PCMTD2: variants seen among roughly 807,000 people sequenced by gnomAD.
PCMTD2 encodes protein-L-isoaspartate (D-aspartate) O-methyltransferase domain containing 2, also known as protein-L-isoaspartate O-methyltransferase domain-containing protein 2.
In PCMTD2, 16 loss-of-function variants were observed where a neutral mutation model predicts 33.4. That is an observed-to-expected ratio of 0.48 (90% CI 0.32 to 0.73). PCMTD2 has a LOEUF of 0.73. Among genes scored for constraint, PCMTD2 ranks in the 30% least tolerant of loss-of-function variants. The pLI is 0.03. For missense variants in PCMTD2, 374 were observed against 449.9 expected (o/e 0.83, Z 1.53); for synonymous variants, 161 against 160.8 (o/e 1.00, Z -0.01).
intron 3 of PCMTD2, 50 bp downstream of exon 3, chr20:64,264,581 A>G: frequency 1.1e-6 from 1 of 931,464 alleles, no homozygotes; most frequent in South Asian, 1.3e-5. Context: ...CTGTAATTTT[A>G]CAAAGTTTTG....
chr20:64,270,196 C>T (rs1171466872), intron 5 of PCMTD2, among the ~76,000 whole-genome samples: 2 of 105,552 alleles, frequency 1.9e-5, no homozygotes, highest in African/African-American at 3.7e-5. Flanking sequence ...GGTGTGGGGT[C>T]GTGAGTGCGG....
Position 64,255,792 on chromosome 20 carries a change from G to T in PCMTD2, c.-103G>T. 5.9e-6 allele frequency: 1 copy of T among 169,010 alleles called. No homozygotes were observed. The highest frequency in any genetic ancestry group is 1.2e-5 in the Non-Finnish European group (1 of 85,192). 10.5% of individuals were successfully genotyped at this position (169,010 alleles called of 1,614,324 possible). A position where few individuals can be genotyped will look rare whatever the true frequency, so the allele number is the denominator to read the frequency against. ...GGTTGGAGCGGCGCTGCTCGGCCGC[G>T]GACACACGAGGGACGCGCCCGAGGA... On this transcript the variant is annotated 5_prime_UTR_variant, in exon 1 of 6. An upstream open reading frame in the 5' UTR gains an earlier in-frame stop. Transcript: ENST00000308824.
At chr20:64,262,280 A>G (rs1985455402) in intron 2 of PCMTD2, among the ~76,000 whole-genome samples, 1 of 152,176 alleles carries the variant, frequency 6.6e-6, no homozygotes, top group African/African-American at 2.4e-5. Context: ...AGTAAGCCTG[A>G]AATGGCCTTG....
chr20:64,268,153 T>TAAACGTTGTTTTGTAA (rs762203630), intron 5 of PCMTD2, 143 bp downstream of exon 5: 11 of 563,412 alleles, frequency 2.0e-5, no homozygotes, highest in Non-Finnish European at 3.1e-5. Context: ...CTACAAGCAA[T>TAAACGTTGTTTTGTAA]TTCAGGCATT....
At chr20:64,272,053 G>A (rs1985934380) in intron 5 of PCMTD2, 6 of 377,846 alleles carry the variant, frequency 1.6e-5, no homozygotes, top group East Asian at 7.2e-5. Flanking sequence ...AGGAAGTGCC[G>A]GAGCCTGTCC....
Position 64,264,506 on chromosome 20 carries a change from A to T in PCMTD2, c.385A>T (p.Ile129Phe). The change falls in exon 3 of 6, where the codon ATC (isoleucine) becomes TTC (phenylalanine). Residue 129 changes from isoleucine (I) to phenylalanine (F), a missense_variant. By Grantham distance (21) the Ile-to-Phe change is conservative (BLOSUM62 0). Coordinates refer to ENST00000308824, the MANE Select transcript of PCMTD2 (RefSeq NM_018257.3). Reference sequence around the variant, plus strand: ...TGCAAAGCAGAAACTGGACTTCTTCATCAGAACAAGTGATAGTTTTGACAA... The same window carrying T: ...TGCAAAGCAGAAACTGGACTTCTTCTTCAGAACAAGTGATAGTTTTGACAA... ...EYAKQKLDFF[I>F]RTSDSFDKFD... 1 of 1,580,074 alleles carries T rather than the reference A, an allele frequency of 6.3e-7. No individual in the cohort carries two copies. Among genetic ancestry groups the T allele is most frequent in the Non-Finnish European group, 8.7e-7 (1 of 1,149,040 alleles).
chr20:64,272,042 A>G (rs1985934023), intron 5 of PCMTD2: 1 of 365,690 alleles, frequency 2.7e-6, no homozygotes, highest in African/African-American at 2.1e-5. Flanking sequence ...ACTGAAGACA[A>G]AGGAAGTGCC....
At position 64,267,895 on chromosome 20, in the gene PCMTD2, GAT is replaced by G; in HGVS notation, c.593_594del (p.Ile198AsnfsTer58). The G allele has an allele frequency of 6.2e-7, 1 of 1,613,494 alleles. No homozygotes were observed. Among genetic ancestry groups the G allele is most frequent in the Non-Finnish European group, 8.5e-7 (1 of 1,179,606 alleles). Reference protein sequence around the residue: ...VMPLEEKLTKITRTGPSAWET... With the variant: ...VMPLEEKLTKXTRTGPSAWET... Reference sequence around the variant, plus strand: ...TTTTGTCTCTGGGATAGTTGACTAAGATAACACGCACAGGTCCTTCAGCTTGG... The same window carrying G: ...TTTTGTCTCTGGGATAGTTGACTAAGAACACGCACAGGTCCTTCAGCTTGG... On this transcript the variant is annotated frameshift_variant, in exon 5 of 6. Coordinates refer to ENST00000308824, the MANE Select transcript of PCMTD2 (RefSeq NM_018257.3). LOFTEE classifies it high-confidence loss of function.
At chr20:64,269,970 T>TG (rs1985830291) in intron 5 of PCMTD2, among the ~76,000 whole-genome samples, 1 of 143,062 alleles carries the variant, frequency 7.0e-6, no homozygotes. Context: ...GTGCACGGTG[T>TG]GGGGTCCTGT....
intron 5 of PCMTD2, 136 bp downstream of exon 5, chr20:64,268,146 C>CTTTCTGACTTTGGTAAT: frequency 3.9e-6 from 2 of 508,324 alleles, no homozygotes; most frequent in South Asian, 3.4e-5. Context: ...TAAAATTCTA[C>CTTTCTGACTTTGGTAAT]AAGCAATTTC....
In PCMTD2 at chr20:64,267,812, A is replaced by G. The variant is rs931362796; in HGVS notation, c.583-75A>G. ...AAGCATTTCTATGTATTTTTATAGT[A>G]TGTATAGGAATGATTAAATATGAGC... On this transcript the variant is annotated intron_variant, in intron 4 of 5. Coordinates refer to ENST00000308824, the MANE Select transcript of PCMTD2 (RefSeq NM_018257.3). 3.3e-6 allele frequency: 4 copies of G among 1,202,908 alleles called. No homozygotes were observed. In the Admixed American group the frequency reaches 6.1e-5, roughly 18 times the overall value. The allele number at this position is 1,202,908 out of a possible 1,614,324, so 74.5% of individuals were successfully genotyped here.
At chr20:64,257,338 G>T (rs1327397005) in intron 1 of PCMTD2, among the ~76,000 whole-genome samples, 2 of 152,202 alleles carry the variant, frequency 1.3e-5, no homozygotes, top group East Asian at 1.9e-4. Flanking sequence ...CTGGCAGTTC[G>T]CATTGTAAGG....
At chr20:64,269,870 G>A (rs1365943923) in intron 5 of PCMTD2, among the ~76,000 whole-genome samples, 4 of 139,908 alleles carry the variant, frequency 2.9e-5, no homozygotes, top group Non-Finnish European at 6.2e-5. Context: ...GGGTGTGGGC[G>A]TGCATCGTGT....
chr20:64,267,942 C>G lies in PCMTD2; in HGVS notation c.638C>G (p.Ala213Gly), dbSNP rs1985724514. 2 of 1,612,860 alleles carry G rather than the reference C, an allele frequency of 1.2e-6. No homozygotes were observed. Among genetic ancestry groups the G allele is most frequent in the Non-Finnish European group, 1.7e-6 (2 of 1,178,844 alleles). ...PSAWETKKILAVSFAPLIQPC... is the reference protein window; with the variant it reads ...PSAWETKKILGVSFAPLIQPC... ...GCTTGGGAAACCAAAAAGATTCTTG[C>G]TGTTTCTTTTGCTCCTCTGATCCAG... The change falls in exon 5 of 6, where the codon GCT becomes GGT. Residue 213 changes from alanine to glycine, a missense_variant. Transcript: ENST00000308824.
chr20:64,270,168 GGTC>G (rs1304312766), intron 5 of PCMTD2, among the ~76,000 whole-genome samples: 2 of 148,730 alleles, frequency 1.3e-5, no homozygotes, highest in South Asian at 2.2e-4. Context: ...CACGTTGTGG[GGTC>G]GTGTGGGTGT....
At chr20:64,260,826 T>G (rs948837422) in intron 2 of PCMTD2, among the ~76,000 whole-genome samples, 11 of 148,296 alleles carry the variant, frequency 7.4e-5, no homozygotes, top group Non-Finnish European at 1.6e-4. Context: ...CCTGAGTACC[T>G]AGGGCCACAG....
chr20:64,260,706 GTTTT>G (rs10585176), intron 2 of PCMTD2, among the ~76,000 whole-genome samples: 1 of 117,598 alleles, frequency 8.5e-6, no homozygotes, highest in Non-Finnish European at 1.7e-5. Context: ...TGTTTTGTTG[GTTTT>G]TTTTTTTTTT....
intron 2 of PCMTD2, among the ~76,000 whole-genome samples, chr20:64,263,439 G>A (rs1000400020): frequency 2.0e-5 from 3 of 152,184 alleles, no homozygotes; most frequent in African/African-American, 4.8e-5. Context: ...ATGCACAGAA[G>A]GTTGCCCATT....
chr20:64,267,814 G>T, intron 4 of PCMTD2, 73 bp from the exon 5 acceptor site: 6 of 1,275,848 alleles, frequency 4.7e-6, no homozygotes, highest in Non-Finnish European at 6.8e-6. Flanking sequence ...TTTATAGTAT[G>T]TATAGGAATG....
Sources: gnomAD v4.1 joint callset for allele counts (sites outside exome capture counted in the v4.1 genomes callset) on GRCh38, gnomAD v4.1.1 for gene constraint, MANE v1.5 for transcripts, NCBI Gene and HGNC (gene_info 2026-07-23, HGNC 2026-07-21) for gene names.